Variants in RASAL2 observed in about 807,000 individuals in gnomAD.
The protein encoded by RASAL2 is RAS protein activator like 2.
RASAL2 carries 58 observed loss-of-function variants against 128.9 expected under a neutral mutation model. The observed-to-expected ratio is 0.45, with a 90% CI of 0.36 to 0.56. The LOEUF (loss-of-function observed/expected upper bound fraction) is 0.56. RASAL2 is among the 20% of genes least tolerant of loss of function. The pLI is 0.00. For synonymous variants in RASAL2, 561 were observed against 580.8 expected (o/e 0.97, Z 0.49); for missense variants, 1,360 against 1,601.6 (o/e 0.85, Z 2.57).
chr1:178,449,608 C>A (rs1277978247), intron 9 of RASAL2, among the ~76,000 whole-genome samples: 1 of 151,564 alleles, frequency 6.6e-6, no homozygotes, highest in African/African-American at 2.4e-5. Context: ...GTTTTTTAAT[C>A]TGTGTTGGTA....
In RASAL2 at chr1:178,304,715, G is replaced by A. The variant is rs1046556719; in HGVS notation, c.457+4597G>A. ...TTAAACGTTTGCCTGTGGAAAAACT[G>A]AAAGCGTTTCCTCTTAGATCTGGAA... On this transcript the variant is annotated intron_variant, in intron 3 of 17. Transcript: ENST00000367649. Among the ~76,000 whole-genome samples, 9 of 152,150 alleles carry A rather than the reference G, an allele frequency of 5.9e-5. No homozygotes were observed. The South Asian group carries it at 1.2e-3, about 21-fold the overall frequency.
At chr1:178,376,121 C>T (rs1039304197) in intron 3 of RASAL2, among the ~76,000 whole-genome samples, 4 of 151,960 alleles carry the variant, frequency 2.6e-5, no homozygotes, top group African/African-American at 9.7e-5. Flanking sequence ...TGTGGTATTA[C>T]AGGTGCTAAG....
At chr1:178,364,006 G>A (rs1296371740) in intron 3 of RASAL2, among the ~76,000 whole-genome samples, 7 of 151,598 alleles carry the variant, frequency 4.6e-5, no homozygotes. Context: ...TGAGGCAGGA[G>A]AATGGTGTGA....
intron 3 of RASAL2, among the ~76,000 whole-genome samples, chr1:178,309,574 T>C (rs868367769): frequency 1.3e-5 from 2 of 152,266 alleles, no homozygotes; most frequent in South Asian, 2.1e-4. Flanking sequence ...TATGTGGTAA[T>C]ACTGATGGTA....
intron 1 of RASAL2, among the ~76,000 whole-genome samples, chr1:178,254,608 T>A (rs1419496998): frequency 1.3e-5 from 2 of 152,188 alleles, no homozygotes; most frequent in African/African-American, 4.8e-5. Flanking sequence ...GACCTCCCAC[T>A]ACTGAGCTCA....
At chr1:178,208,031 T>C (rs1663117381) in intron 1 of RASAL2, among the ~76,000 whole-genome samples, 1 of 152,240 alleles carries the variant, frequency 6.6e-6, no homozygotes, top group South Asian at 2.1e-4. Context: ...ATCTTTACTT[T>C]AATCTCTTAA....
intron 5 of RASAL2, among the ~76,000 whole-genome samples, chr1:178,438,168 T>A (rs1416186762): frequency 6.6e-6 from 1 of 151,266 alleles, no homozygotes; most frequent in Non-Finnish European, 1.5e-5. Flanking sequence ...CTAAAATCCT[T>A]ATAAGCTTAA....
intron 3 of RASAL2, among the ~76,000 whole-genome samples, chr1:178,326,694 G>A (rs1359975489): frequency 2.0e-5 from 3 of 152,080 alleles, no homozygotes; most frequent in African/African-American, 7.2e-5. Flanking sequence ...ACAGGCATGT[G>A]CCACCATGCC....
At chr1:178,364,674 A>G (rs1671309190) in intron 3 of RASAL2, among the ~76,000 whole-genome samples, 1 of 152,210 alleles carries the variant, frequency 6.6e-6, no homozygotes, top group Admixed American at 6.5e-5. Context: ...TATTGGGTTT[A>G]TATATCCATC....
intron 1 of RASAL2, among the ~76,000 whole-genome samples, chr1:178,181,502 C>A (rs1662106861): frequency 6.6e-6 from 1 of 152,086 alleles, no homozygotes; most frequent in African/African-American, 2.4e-5. Flanking sequence ...GGACTACAGG[C>A]ACCTGCCACC....
chr1:178,264,184 C>T (rs770245540), intron 1 of RASAL2, among the ~76,000 whole-genome samples: 15 of 152,222 alleles, frequency 9.9e-5, no homozygotes, highest in South Asian at 2.1e-4. Flanking sequence ...GTCAGTTCTG[C>T]GAGGATTTAA....
rs757071448 is a variant in RASAL2 at position 178,390,150 on chromosome 1, A to G, written c.508A>G (p.Thr170Ala). The part of the protein sequence containing the change: ...PRRRSISGTS[T>A]SEKPNSMDTA... ...TAGACGGAGTATCTCAGGGACCAGT[A>G]CATCAGAGAAACCCAACTCCATGGA... Residue 170 changes from threonine (T) to alanine (A), a missense_variant, in exon 4 of 18, where the codon ACA (threonine) becomes GCA (alanine). By Grantham distance (58) the Thr-to-Ala change is moderately conservative. Transcript: ENST00000367649. 4 of 1,613,520 alleles carry G rather than the reference A, an allele frequency of 2.5e-6. No homozygotes were observed. In the Admixed American group the frequency reaches 6.7e-5, roughly 27 times the overall value.
rs533084679 is a variant in RASAL2 at position 178,240,581 on chromosome 1, C to T, written c.203-42983C>T. ...ACTTTAAATTATTTAAAGCAAGTGT[C>T]AAATTTTCATAGTAAATAATGTATA... On this transcript the variant is annotated intron_variant, in intron 1 of 17. Transcript: ENST00000367649. 9.9e-5 allele frequency among the ~76,000 whole-genome samples: 15 copies of T among 151,818 alleles called. No individual in the cohort carries two copies. In the East Asian group the frequency reaches 2.9e-3, roughly 29 times the overall value.
In RASAL2 at chr1:178,443,215, A is replaced by G; in HGVS notation, c.1468A>G (p.Thr490Ala). The G allele has an allele frequency of 6.2e-7, 1 of 1,606,648 alleles. No individual in the cohort carries two copies. Among genetic ancestry groups the G allele is most frequent in the Non-Finnish European group, 8.5e-7 (1 of 1,173,960 alleles). Residue 490 changes from threonine to alanine, a missense_variant, in exon 8 of 18, where the codon ACT becomes GCT. Physicochemically the swap from Thr to Ala is moderately conservative, Grantham distance 58. Coordinates refer to ENST00000367649, the MANE Select transcript of RASAL2 (RefSeq NM_170692.4). Reference sequence around the variant, plus strand: ...TGCCTTAGTGCACATTCTTCAAAGTACTGGCAGAGCCAAGGTAAGTGGAAA... The same window carrying G: ...TGCCTTAGTGCACATTCTTCAAAGTGCTGGCAGAGCCAAGGTAAGTGGAAA... ...ACALVHILQS[T>A]GRAKDFLTDL...
At chr1:178,224,803 A>G (rs779741900) in intron 1 of RASAL2, among the ~76,000 whole-genome samples, 36 of 152,150 alleles carry the variant, frequency 2.4e-4, no homozygotes, top group Non-Finnish European at 4.3e-4. Flanking sequence ...TAAGCTGAGA[A>G]AGCTCATGTT....
At chr1:178,214,918 C>T (rs1371933590) in intron 1 of RASAL2, among the ~76,000 whole-genome samples, 1 of 152,176 alleles carries the variant, frequency 6.6e-6, no homozygotes, top group Non-Finnish European at 1.5e-5. Context: ...GGTCTCCAAG[C>T]AGATAGCATA....
chr1:178,390,016 G>GA (rs1672800899), intron 3 of RASAL2, 84 bp from the exon 4 acceptor site: 6 of 839,824 alleles, frequency 7.1e-6, no homozygotes, highest in Non-Finnish European at 1.1e-5. Flanking sequence ...GGTTTATTGT[G>GA]AAAAACCAGT....
chr1:178,387,324 T>C (rs1672633962), intron 3 of RASAL2, among the ~76,000 whole-genome samples: 3 of 152,208 alleles, frequency 2.0e-5, no homozygotes, highest in Admixed American at 2.0e-4. Context: ...TCATATAAGC[T>C]ACATCAGCAT....
At chr1:178,115,078 A>G (rs115933741) in intron 1 of RASAL2, among the ~76,000 whole-genome samples, 1 of 151,958 alleles carries the variant, frequency 6.6e-6, no homozygotes, top group Non-Finnish European at 1.5e-5. Flanking sequence ...TCTTCCTTAT[A>G]TATTTGGTAC....
Sources: allele counts gnomAD v4.1 joint callset (sites outside exome capture counted in the v4.1 genomes callset), GRCh38; gene constraint gnomAD v4.1.1; transcripts MANE v1.5; gene names NCBI Gene and HGNC (gene_info 2026-07-23, HGNC 2026-07-21).